AGBL4: variants seen among roughly 807,000 people sequenced by gnomAD.
AGBL4 encodes cytosolic carboxypeptidase 6.
Under a neutral mutation model 66.4 loss-of-function variants are expected in AGBL4, and 58 were observed. The observed-to-expected ratio is 0.87, with a 90% CI of 0.71 to 1.09. The LOEUF (loss-of-function observed/expected upper bound fraction) is 1.09, where lower values mean the gene tolerates loss of function less well. Among genes scored for constraint, AGBL4 ranks in the 50% least tolerant of loss-of-function variants. AGBL4 has a pLI of 0.00. For missense variants in AGBL4, 579 were observed against 631.0 expected, an observed-to-expected ratio of 0.92 and a Z score of 0.88; for synonymous variants, 234 against 222.9, an observed-to-expected ratio of 1.05 and a Z score of -0.44.
In AGBL4 at chr1:48,670,332, C is replaced by T. The variant is rs1054450174; in HGVS notation, c.635-7091G>A. ...AAGAAGGGCAGAGGACCAGAAAGAA[C>T]GAGTGACTTGCCCCTGGCCACACAG... On this transcript the variant is annotated intron_variant, in intron 6 of 13. Coordinates refer to ENST00000371839, the MANE Select transcript of AGBL4 (RefSeq NM_032785.4). 2.8e-4 allele frequency among the ~76,000 whole-genome samples: 42 copies of T among 152,330 alleles called. 1 individual carries two copies. Among genetic ancestry groups the T allele is most frequent in the African/African-American group, 8.4e-4 (35 of 41,576 alleles).
chr1:49,520,214 T>C (rs1169097244), intron 3 of AGBL4, among the ~76,000 whole-genome samples: 1 of 152,096 alleles, frequency 6.6e-6, no homozygotes, highest in African/African-American at 2.4e-5. Context: ...CCTCTGGTTA[T>C]GCTTGTTTTA....
At chr1:49,826,560 A>C (rs1359363769) in intron 2 of AGBL4, among the ~76,000 whole-genome samples, 1 of 152,222 alleles carries the variant, frequency 6.6e-6, no homozygotes. Context: ...GGTTTTCATG[A>C]TCTCCTCTTA....
At chr1:49,571,965 G>A (rs1167973145) in intron 3 of AGBL4, among the ~76,000 whole-genome samples, 1 of 152,044 alleles carries the variant, frequency 6.6e-6, no homozygotes, top group Non-Finnish European at 1.5e-5. Flanking sequence ...TGGATTCAGT[G>A]TGCAAGTATT....
chr1:49,788,940 CCGGCATTTGCCCATT>C (rs1441622773), intron 2 of AGBL4, among the ~76,000 whole-genome samples: 1 of 152,190 alleles, frequency 6.6e-6, no homozygotes, highest in Non-Finnish European at 1.5e-5. Flanking sequence ...GAGAATGCTT[CCGGCATTTGCCCATT>C]CAGTATGATA....
intron 6 of AGBL4, among the ~76,000 whole-genome samples, chr1:48,753,149 A>G (rs1357760555): frequency 2.0e-5 from 3 of 152,238 alleles, no homozygotes; most frequent in Admixed American, 1.3e-4. Context: ...TGCCCGAGGC[A>G]ACAAAATTTG....
At chr1:48,756,879 A>G (rs529260971) in intron 6 of AGBL4, among the ~76,000 whole-genome samples, 1 of 152,322 alleles carries the variant, frequency 6.6e-6, no homozygotes, top group Non-Finnish European at 1.5e-5. Flanking sequence ...CATTGTAATG[A>G]TGATGGTGAC....
intron 2 of AGBL4, among the ~76,000 whole-genome samples, chr1:49,703,656 G>A (rs887458748): frequency 2.6e-5 from 4 of 151,798 alleles, no homozygotes; most frequent in Admixed American, 6.6e-5. Flanking sequence ...TTATTTATCC[G>A]AGATCAAGCA....
Position 49,882,270 on chromosome 1 carries a change from A to G in AGBL4, c.35-30752T>C, listed in dbSNP as rs1173775856. On this transcript the variant is annotated intron_variant, in intron 1 of 13. Coordinates refer to ENST00000371839, the MANE Select transcript of AGBL4 (RefSeq NM_032785.4). ...ATATCTCTGTTTTGGTACCAGTACC[A>G]TGCTGTTTTGGTTACTGTAGCCTTG... Among the ~76,000 whole-genome samples, 7 of 150,266 alleles carry G rather than the reference A, an allele frequency of 4.7e-5. No individual in the cohort carries two copies. In the East Asian group the frequency reaches 7.8e-4, roughly 17 times the overall value.
intron 1 of AGBL4, chr1:50,016,954 C>G (rs1488394913): frequency 6.6e-6 from 1 of 152,076 alleles, no homozygotes; most frequent in Non-Finnish European, 1.5e-5. Flanking sequence ...CCAAAGAAAT[C>G]TAAATTGTTC....
At chr1:48,723,666 T>C (rs1449114231) in intron 6 of AGBL4, among the ~76,000 whole-genome samples, 1 of 152,208 alleles carries the variant, frequency 6.6e-6, no homozygotes, top group African/African-American at 2.4e-5. Flanking sequence ...AGCCAAACTC[T>C]GGAGAGATAT....
intron 6 of AGBL4, among the ~76,000 whole-genome samples, chr1:48,698,341 G>C (rs906741628): frequency 1.3e-5 from 2 of 152,202 alleles, no homozygotes; most frequent in African/African-American, 2.4e-5. Flanking sequence ...GATGAGAAGA[G>C]GAAGGTCACT....
chr1:48,917,310 A>G (rs1653670129), intron 5 of AGBL4, among the ~76,000 whole-genome samples: 1 of 152,132 alleles, frequency 6.6e-6, no homozygotes, highest in South Asian at 2.1e-4. Flanking sequence ...ATTAATTTGT[A>G]CTTCGTTAGG....
intron 1 of AGBL4, among the ~76,000 whole-genome samples, chr1:50,000,427 G>A (rs1006590291): frequency 1.3e-5 from 2 of 152,128 alleles, no homozygotes; most frequent in African/African-American, 4.8e-5. Flanking sequence ...ATAATAAGAT[G>A]TTGGCGTGGA....
intron 6 of AGBL4, among the ~76,000 whole-genome samples, chr1:48,829,974 G>C (rs1009977311): frequency 6.6e-6 from 1 of 152,096 alleles, no homozygotes; most frequent in Non-Finnish European, 1.5e-5. Flanking sequence ...GCAAGGGTTG[G>C]ATGAGCACCA....
intron 1 of AGBL4, among the ~76,000 whole-genome samples, chr1:49,873,318 G>C (rs999091548): frequency 6.6e-6 from 1 of 151,944 alleles, no homozygotes; most frequent in Non-Finnish European, 1.5e-5. Context: ...CTAGCCAGGA[G>C]AGATCAGACA....
intron 6 of AGBL4, among the ~76,000 whole-genome samples, chr1:48,810,966 G>C (rs1428159929): frequency 6.6e-6 from 1 of 152,150 alleles, no homozygotes; most frequent in Non-Finnish European, 1.5e-5. Context: ...TCTACATATG[G>C]AGTGGGACAA....
At chr1:48,656,946 G>A (rs1646030654) in intron 7 of AGBL4, among the ~76,000 whole-genome samples, 1 of 152,098 alleles carries the variant, frequency 6.6e-6, no homozygotes, top group African/African-American at 2.4e-5. Context: ...TAACAAGCCT[G>A]CCCATGTATT....
chr1:49,527,995 TA>T (rs1369209128), intron 3 of AGBL4, among the ~76,000 whole-genome samples: 3 of 151,994 alleles, frequency 2.0e-5, no homozygotes, highest in Non-Finnish European at 2.9e-5. Context: ...TTAGACAAAT[TA>T]GATTTTTTTT....
At chr1:49,560,570 G>C (rs765890887) in intron 3 of AGBL4, among the ~76,000 whole-genome samples, 2 of 152,100 alleles carry the variant, frequency 1.3e-5, no homozygotes, top group African/African-American at 4.8e-5. Context: ...GAGATAATAA[G>C]AACTTCCCAA....
Sources: allele counts gnomAD v4.1 joint callset (sites outside exome capture counted in the v4.1 genomes callset), GRCh38; gene constraint gnomAD v4.1.1; transcripts MANE v1.5; gene names NCBI Gene and HGNC (gene_info 2026-07-23, HGNC 2026-07-21).